NAV2: variants seen among roughly 807,000 people sequenced by gnomAD.
The protein encoded by NAV2 is helicase, APC down-regulated 1.
A neutral mutation model predicts 223.2 loss-of-function variants in NAV2; 54 were observed. The ratio of observed to expected loss-of-function variants is 0.24; its 90% CI spans 0.19 to 0.30. The LOEUF is 0.30. Ranked by LOEUF, NAV2 falls within the 10% of genes least tolerant of loss-of-function variation. The pLI is 1.00. For missense variants in NAV2, 2,806 were observed against 3,147.5 expected, an observed-to-expected ratio of 0.89 and a Z score of 2.60; for synonymous variants, 1,279 against 1,239.3, an observed-to-expected ratio of 1.03 and a Z score of -0.67.
chr11:19,712,568 A>C (rs987165231), upstream of NAV2: 2 of 152,184 alleles, frequency 1.3e-5, no homozygotes, highest in Non-Finnish European at 2.9e-5. Flanking sequence ...TTGCGTTCGA[A>C]AGGGCATTTT....
chr11:20,041,879 A>G (rs892315846), intron 12 of NAV2, among the ~76,000 whole-genome samples: 3 of 152,168 alleles, frequency 2.0e-5, no homozygotes, highest in African/African-American at 4.8e-5. Flanking sequence ...ACTGTCGCCT[A>G]CCCACCTCAT....
At chr11:19,886,041 G>A (rs1415729066) in intron 5 of NAV2, among the ~76,000 whole-genome samples, 1 of 151,892 alleles carries the variant, frequency 6.6e-6, no homozygotes, top group East Asian at 1.9e-4. Context: ...GACTCATGGC[G>A]CTATCATGGC....
chr11:19,537,745 G>C (rs12361965), intron 1 of NAV2, among the ~76,000 whole-genome samples: 12,924 of 152,238 alleles, frequency 0.085, 613 homozygotes, highest in East Asian at 0.16. Context: ...TCTAGTCTAA[G>C]TGCTTTTTAA....
chr11:19,859,235 A>G (rs1454758599), intron 3 of NAV2, among the ~76,000 whole-genome samples: 7 of 143,608 alleles, frequency 4.9e-5, no homozygotes, highest in African/African-American at 1.8e-4. Context: ...GAAGGTCAGC[A>G]GATAAACAAG....
Position 19,809,257 on chromosome 11 carries a change from G to C in NAV2, c.268-23227G>C, listed in dbSNP as rs116116364. Reference sequence around the variant, plus strand: ...TCACATACCCATGTATGTTGTTTGTGTGTTTACACACACATGAGAGTTTCT... The same window carrying C: ...TCACATACCCATGTATGTTGTTTGTCTGTTTACACACACATGAGAGTTTCT... On this transcript the variant is annotated intron_variant, in intron 1 of 37. Coordinates refer to ENST00000349880, the MANE Select transcript of NAV2 (RefSeq NM_145117.5). Among the ~76,000 whole-genome samples, 629 of 152,282 alleles carry C rather than the reference G, an allele frequency of 4.1e-3. 3 individuals carry two copies. The highest frequency in any genetic ancestry group is 0.015 in the African/African-American group (606 of 41,554).
At chr11:19,907,361 A>G (rs2042951368) in intron 6 of NAV2, among the ~76,000 whole-genome samples, 1 of 152,172 alleles carries the variant, frequency 6.6e-6, no homozygotes, top group South Asian at 2.1e-4. Context: ...AGTGTTTTTG[A>G]AAACCAAGGG....
chr11:19,852,681 G>T (rs2625316), intron 3 of NAV2, among the ~76,000 whole-genome samples: 88,088 of 152,064 alleles, frequency 0.58, 26,063 homozygotes, highest in African/African-American at 0.72. Context: ...ATATGCTATT[G>T]AATAACATCA....
intron 11 of NAV2, among the ~76,000 whole-genome samples, chr11:20,016,333 A>G (rs149386872): frequency 8.5e-4 from 129 of 152,312 alleles, no homozygotes; most frequent in African/African-American, 2.9e-3. Flanking sequence ...GGTTTTGTTA[A>G]CAATCAGCTG....
intron 1 of NAV2, among the ~76,000 whole-genome samples, chr11:19,727,817 T>A (rs909099684): frequency 2.0e-5 from 3 of 152,226 alleles, no homozygotes; most frequent in African/African-American, 7.2e-5. Flanking sequence ...CAGTCAGGCA[T>A]GGACCACCAC....
intron 3 of NAV2, among the ~76,000 whole-genome samples, chr11:19,865,850 C>T (rs1303456128): frequency 1.5e-5 from 2 of 132,326 alleles, no homozygotes; most frequent in East Asian, 2.2e-4. Context: ...TAATGCCTCT[C>T]TTGTCTATGT....
chr11:19,562,049 C>T (rs1048584224), intron 1 of NAV2, among the ~76,000 whole-genome samples: 9 of 152,176 alleles, frequency 5.9e-5, no homozygotes, highest in Non-Finnish European at 1.2e-4. Flanking sequence ...GTGAGGGCCT[C>T]GTGCCTCCAC....
chr11:19,551,685 T>C (rs2044694698), intron 1 of NAV2, among the ~76,000 whole-genome samples: 1 of 152,224 alleles, frequency 6.6e-6, no homozygotes, highest in African/African-American at 2.4e-5. Context: ...AAATAGTCTG[T>C]GAAACCCAGC....
chr11:19,573,826 C>T (rs1284835857), intron 1 of NAV2, among the ~76,000 whole-genome samples: 1 of 152,158 alleles, frequency 6.6e-6, no homozygotes. Flanking sequence ...CCCATCCCTC[C>T]TCACCTGCCT....
chr11:19,656,023 T>G (rs574707943), intron 1 of NAV2, among the ~76,000 whole-genome samples: 12 of 152,182 alleles, frequency 7.9e-5, no homozygotes, highest in Non-Finnish European at 1.5e-4. Context: ...GACAAGCCTC[T>G]GCTGGGGGAT....
chr11:19,519,048 G>T (rs1292209095), intron 1 of NAV2, among the ~76,000 whole-genome samples: 2 of 152,162 alleles, frequency 1.3e-5, no homozygotes, highest in Admixed American at 6.5e-5. Flanking sequence ...GAGACTTCCA[G>T]CTTCTAGAAC....
intron 1 of NAV2, among the ~76,000 whole-genome samples, chr11:19,673,975 C>T (rs754753776): frequency 6.6e-6 from 1 of 152,190 alleles, no homozygotes; most frequent in Non-Finnish European, 1.5e-5. Context: ...CAGGCGCCTC[C>T]TCCAAGCTGA....
At chr11:19,771,006 C>G (rs1323801221) in intron 1 of NAV2, among the ~76,000 whole-genome samples, 3 of 152,086 alleles carry the variant, frequency 2.0e-5, no homozygotes, top group Non-Finnish European at 4.4e-5. Flanking sequence ...TTTGATGGTA[C>G]AGTGGAAAGG....
chr11:20,077,573 G>C lies in NAV2; in HGVS notation c.5005G>C (p.Glu1669Gln), dbSNP rs79549737. Residue 1669 changes from glutamate to glutamine, a missense_variant, in exon 23 of 38, where the codon GAA (glutamate) becomes CAA (glutamine). By Grantham distance (29) the Glu-to-Gln change is conservative (BLOSUM62 2). Around this residue, in one of 4 missense-constraint regions of NAV2, gnomAD observed 824 missense variants for 1,069.4 expected, o/e 0.77. Coordinates refer to ENST00000349880, the MANE Select transcript of NAV2 (RefSeq NM_145117.5). ...CCAGGCTCACCTTGTGGCAGCCTTTGAACAGAGTCTTGGTAACATGACAAT... is the reference window on the plus strand; with the variant it reads ...CCAGGCTCACCTTGTGGCAGCCTTTCAACAGAGTCTTGGTAACATGACAAT... ...TANAHLVAAF[E>Q]QSLGNMTIRL... is the part of the protein sequence containing the mutation. 13 of 1,613,896 alleles carry C rather than the reference G, an allele frequency of 8.1e-6. No individual in the cohort carries two copies. In the South Asian group the frequency reaches 1.3e-4, roughly 16 times the overall value.
At chr11:19,367,771 C>A (rs73428666) in intron 1 of NAV2, among the ~76,000 whole-genome samples, 1 of 152,196 alleles carries the variant, frequency 6.6e-6, no homozygotes, top group African/African-American at 2.4e-5. Flanking sequence ...GTATTTAAGA[C>A]AGCTCTTGCA....
Sources: gnomAD v4.1 joint callset for allele counts (sites outside exome capture counted in the v4.1 genomes callset) on GRCh38, gnomAD v4.1.1 for gene constraint, gnomAD v4.1.1 regional missense constraint, MANE v1.5 for transcripts, NCBI Gene and HGNC (gene_info 2026-07-23, HGNC 2026-07-21) for gene names.